The following IFT140 variants were observed in gnomAD, a reference collection of about 807,000 sequenced individuals.
IFT140 encodes intraflagellar transport 140, also known as intraflagellar transport protein 140 homolog.
Under a neutral mutation model 164.6 loss-of-function variants are expected in IFT140, and 133 were observed. The ratio of observed to expected loss-of-function variants is 0.81; its 90% CI spans 0.70 to 0.93. The LOEUF (loss-of-function observed/expected upper bound fraction) is 0.93. Among genes scored for constraint, IFT140 ranks in the 40% least tolerant of loss-of-function variants. The probability of loss-of-function intolerance (pLI) is 0.00; values close to 1 mark genes in which losing one functional copy is unlikely to be tolerated. For synonymous variants in IFT140, 860 were observed against 817.3 expected, an observed-to-expected ratio of 1.05 and a Z score of -0.89; for missense variants, 2,045 against 1,972.3, an observed-to-expected ratio of 1.04 and a Z score of -0.70.
intron 24 of IFT140, chr16:1,524,283 A>G: frequency 3.3e-6 from 2 of 609,262 alleles, no homozygotes; most frequent in Non-Finnish European, 5.7e-6. Context: ...GCAAGGCCAT[A>G]GGCCGTGAGC....
intron 13 of IFT140, among the ~76,000 whole-genome samples, chr16:1,576,521 G>A (rs2034284229): frequency 6.6e-6 from 1 of 151,474 alleles, no homozygotes; most frequent in Non-Finnish European, 1.5e-5. Flanking sequence ...GAACCCAGGA[G>A]GCGGAGCTTG....
At chr16:1,536,415 C>T (rs978412929) in intron 19 of IFT140, among the ~76,000 whole-genome samples, 3 of 152,248 alleles carry the variant, frequency 2.0e-5, no homozygotes, top group Non-Finnish European at 4.4e-5. Context: ...GTCCACTGCT[C>T]CTCCCTGAGC....
chr16:1,524,921 G>C lies in IFT140; in HGVS notation c.2865-5C>G, dbSNP rs779711939. 1.2e-6 allele frequency: 2 copies of C among 1,603,660 alleles called. No homozygotes were observed. Among genetic ancestry groups the C allele is most frequent in the South Asian group, 2.2e-5 (2 of 90,894 alleles). ...GCCCACCACCGCCACAGGGTCCTGC[G>C]GGCAGCCCAAGACCATGGATTCTCC... is the stretch of plus-strand genomic sequence containing the variant. On this transcript the variant is annotated splice_region_variant and splice_polypyrimidine_tract_variant and intron_variant, in intron 22 of 30. Coordinates refer to ENST00000426508, the MANE Select transcript of IFT140 (RefSeq NM_014714.4).
intron 15 of IFT140, among the ~76,000 whole-genome samples, chr16:1,566,890 G>T (rs1402437799): frequency 6.6e-6 from 1 of 152,032 alleles, no homozygotes; most frequent in Non-Finnish European, 1.5e-5. Flanking sequence ...GGCTTCCCAG[G>T]CCCCATCTGG....
intron 19 of IFT140, chr16:1,555,113 C>A: frequency 6.7e-7 from 1 of 1,492,750 alleles, no homozygotes. Context: ...AGTCACTTCC[C>A]CTGCTCGTGC....
chr16:1,522,338 CAG>C (rs2141157188), intron 26 of IFT140, among the ~76,000 whole-genome samples: 1 of 152,092 alleles, frequency 6.6e-6, no homozygotes, highest in Non-Finnish European at 1.5e-5. Context: ...GTCTGGGTGA[CAG>C]AGAGAGACTC....
Position 1,526,156 on chromosome 16 carries a change from C to T in IFT140, c.2578-79G>A, listed in dbSNP as rs551689918. The T allele has an allele frequency of 9.4e-5, 126 of 1,341,644 alleles. No homozygotes were observed. The East Asian group carries it at 2.3e-3, about 25-fold the overall frequency. 83.1% of individuals were successfully genotyped at this position (1,341,644 alleles called of 1,614,324 possible). A position where few individuals can be genotyped will look rare whatever the true frequency, so the allele number is the denominator to read the frequency against. ...AACACACTGTTCCACGCCAGGCCAC[C>T]GGTCACCGCACCTTCCCACACCGCC... On this transcript the variant is annotated intron_variant, in intron 20 of 30. Coordinates refer to ENST00000426508, the MANE Select transcript of IFT140 (RefSeq NM_014714.4).
At chr16:1,514,955 T>A (rs2141117365) in intron 30 of IFT140, among the ~76,000 whole-genome samples, 1 of 152,248 alleles carries the variant, frequency 6.6e-6, no homozygotes, top group East Asian at 1.9e-4. Context: ...ATTCTAGGGC[T>A]GCAAAATACA....
chr16:1,542,005 T>A, intron 19 of IFT140: 1 of 1,611,354 alleles, frequency 6.2e-7, no homozygotes, highest in Non-Finnish European at 8.5e-7. Context: ...CTGGGGCTGG[T>A]GGGCCTGCCC....
chr16:1,527,862 C>T (rs537723651), intron 19 of IFT140, among the ~76,000 whole-genome samples: 257 of 152,342 alleles, frequency 1.7e-3, no homozygotes, highest in African/African-American at 5.7e-3. Flanking sequence ...CATGGGCCAC[C>T]GCGCCCAGCC....
At chr16:1,571,351 C>A in intron 14 of IFT140, 56 bp downstream of exon 14, 1 of 1,561,904 alleles carries the variant, frequency 6.4e-7, no homozygotes, top group Non-Finnish European at 8.7e-7. Context: ...ACCCATCACA[C>A]TGTCTCCTGA....
intron 2 of IFT140, among the ~76,000 whole-genome samples, chr16:1,609,191 A>G (rs754616231): frequency 2.0e-5 from 3 of 152,178 alleles, no homozygotes; most frequent in Non-Finnish European, 2.9e-5. Context: ...AGCCAGCCCC[A>G]AGGTTACAAA....
At chr16:1,529,195 G>A (rs1013790291) in intron 19 of IFT140, among the ~76,000 whole-genome samples, 2 of 152,198 alleles carry the variant, frequency 1.3e-5, no homozygotes, top group East Asian at 1.9e-4. Context: ...GACGCAGGGC[G>A]GGCAGGTGCA....
At position 1,548,814 on chromosome 16, in the gene IFT140, C is replaced by T. The variant is rs117949185; in HGVS notation, c.2399+9121G>A. Among the ~76,000 whole-genome samples, 227 of 152,338 alleles carry T rather than the reference C, an allele frequency of 1.5e-3. 3 individuals are homozygous for T. The East Asian group carries it at 0.036, about 24-fold the overall frequency. On this transcript the variant is annotated intron_variant, in intron 19 of 30. Transcript: ENST00000426508. ...CAGCTGACTCAGTCACCTTCTTACG[C>T]GCGTCTGGAGGCCAAGGTTAGAGCA...
rs143684159 is a variant in IFT140, at chr16:1,596,972, C to A, written c.370-4384G>T. 5.5e-3 allele frequency among the ~76,000 whole-genome samples: 843 copies of A among 152,268 alleles called. 3 individuals carry two copies. The highest frequency in any genetic ancestry group is 9.0e-3 in the Non-Finnish European group (609 of 68,022). On this transcript the variant is annotated intron_variant, in intron 4 of 30. Transcript: ENST00000426508. ...GAAAAGCTACCCCAAAGGTGAGAAA[C>A]CAGCTCTCCTTGTGAAGAGCCAGAG...
At position 1,607,272 on chromosome 16, in the gene IFT140, A is replaced by T. The variant is rs886051771; in HGVS notation, c.-6T>A. The T allele has an allele frequency of 2.3e-5, 37 of 1,611,944 alleles. No homozygotes were observed. The highest frequency in any genetic ancestry group is 3.1e-5 in the Non-Finnish European group (36 of 1,179,092). Reference sequence around the variant, plus strand: ...TGGTCATAATAGAGGGCCATGACGGAACTCAGGCCTCCTCAGCGCTGAAAC... The same window carrying T: ...TGGTCATAATAGAGGGCCATGACGGTACTCAGGCCTCCTCAGCGCTGAAAC... On this transcript the variant is annotated 5_prime_UTR_variant, in exon 3 of 31. Coordinates refer to ENST00000426508, the MANE Select transcript of IFT140 (RefSeq NM_014714.4).
rs575912972 is a variant in IFT140 at position 1,540,120 on chromosome 16, G to A, written c.2400-13324C>T. 3.9e-5 allele frequency among the ~76,000 whole-genome samples: 6 copies of A among 152,296 alleles called. No individual in the cohort carries two copies. The South Asian group carries it at 8.3e-4, about 21-fold the overall frequency. The stretch of plus-strand genomic sequence containing the variant: ...GTGCCTCCAGGGATGCTGGGACGCC[G>A]AAAGCCTAGACTGAGACGATCCCAC... On this transcript the variant is annotated intron_variant, in intron 19 of 30. Coordinates refer to ENST00000426508, the MANE Select transcript of IFT140 (RefSeq NM_014714.4).
chr16:1,596,536 G>A (rs866933547), intron 4 of IFT140, among the ~76,000 whole-genome samples: 3 of 152,138 alleles, frequency 2.0e-5, no homozygotes, highest in Non-Finnish European at 2.9e-5. Context: ...AGTTTAGAGC[G>A]CCTGCGCCCA....
rs2040476415 is a variant in IFT140 at position 1,520,146 on chromosome 16, A to G, written c.3858T>C (p.Tyr1286=). The G allele has an allele frequency of 1.2e-6, 2 of 1,614,138 alleles. No individual in the cohort carries two copies. Among genetic ancestry groups the G allele is most frequent in the Admixed American group, 1.7e-5 (1 of 60,036 alleles). ...GGGCCTGCACCTGGGCACAAGCGTC[A>G]TAAAAGCCAGCCAGGAGGTCCAGGG... The part of the protein sequence containing the change: ...GRALDLLAGF[Y]DACAQVEIDE... The change falls in exon 28 of 31, where the codon TAT becomes TAC. Residue 1286 remains tyrosine (Y), a synonymous_variant. Transcript: ENST00000426508.
Sources: allele counts gnomAD v4.1 joint callset (sites outside exome capture counted in the v4.1 genomes callset), GRCh38; gene constraint gnomAD v4.1.1; transcripts MANE v1.5; gene names NCBI Gene and HGNC (gene_info 2026-07-23, HGNC 2026-07-21).